The following SIPA1L1 variants were observed in gnomAD, a reference collection of about 807,000 sequenced individuals.
The protein encoded by SIPA1L1 is signal-induced proliferation-associated 1-like protein 1.
Under a neutral mutation model 162.7 loss-of-function variants are expected in SIPA1L1, and 26 were observed. The observed-to-expected ratio is 0.16, with a 90% CI of 0.12 to 0.22. The LOEUF is 0.22. Among genes scored for constraint, SIPA1L1 ranks in the 10% least tolerant of loss-of-function variants. The probability of loss-of-function intolerance (pLI) is 1.00; values close to 1 mark genes in which losing one functional copy is unlikely to be tolerated. For missense variants in SIPA1L1, 1,874 were observed against 2,241.0 expected (o/e 0.84, Z 3.31); for synonymous variants, 829 against 837.4 (o/e 0.99, Z 0.17).
chr14:71,725,187 C>A (rs190502600), intron 19 of SIPA1L1, among the ~76,000 whole-genome samples: 2 of 152,324 alleles, frequency 1.3e-5, no homozygotes, highest in Admixed American at 1.3e-4. Context: ...AAAGCTAGAA[C>A]GTTTTCCATA....
intron 19 of SIPA1L1, among the ~76,000 whole-genome samples, chr14:71,726,463 A>G (rs557657691): frequency 5.9e-5 from 9 of 152,332 alleles, no homozygotes; most frequent in African/African-American, 2.2e-4. Context: ...TCCTAGTTTA[A>G]CATTTTTGGC....
chr14:71,513,303 C>G (rs2051353695), intron 3 of SIPA1L1, among the ~76,000 whole-genome samples: 1 of 151,960 alleles, frequency 6.6e-6, no homozygotes, highest in Non-Finnish European at 1.5e-5. Context: ...GTGGAACTCC[C>G]CATTCCCTAT....
chr14:71,488,381 T>A (rs762849933), intron 2 of SIPA1L1, among the ~76,000 whole-genome samples: 10 of 152,224 alleles, frequency 6.6e-5, no homozygotes, highest in Non-Finnish European at 1.3e-4. Flanking sequence ...AGAATTTCAC[T>A]CTGTCCTGGA....
chr14:71,512,661 A>T (rs1489689537), intron 2 of SIPA1L1, 82 bp from the exon 3 acceptor site: 3 of 85,570 alleles, frequency 3.5e-5, no homozygotes, highest in African/African-American at 1.4e-4. Flanking sequence ...TGTGGGGGGA[A>T]GCCGGGGTTG....
chr14:71,581,705 C>A (rs2033952090), intron 4 of SIPA1L1, among the ~76,000 whole-genome samples: 2 of 152,082 alleles, frequency 1.3e-5, no homozygotes, highest in Admixed American at 1.3e-4. Context: ...TTTACTTCTT[C>A]GGTCTCATCT....
At chr14:71,379,399 G>A (rs1264153902) in intron 2 of SIPA1L1, 1 of 151,680 alleles carries the variant, frequency 6.6e-6, no homozygotes, top group Non-Finnish European at 1.5e-5. Flanking sequence ...AAACTCCTGG[G>A]CCTGAGCAGT....
chr14:71,329,327 C>T (rs1262040393), intron 2 of SIPA1L1, among the ~76,000 whole-genome samples: 1 of 151,676 alleles, frequency 6.6e-6, no homozygotes, highest in Non-Finnish European at 1.5e-5. Context: ...GAGGAACCTC[C>T]ATACTGTTTT....
chr14:71,467,617 G>A (rs1411820878), intron 2 of SIPA1L1, among the ~76,000 whole-genome samples: 4 of 152,072 alleles, frequency 2.6e-5, no homozygotes, highest in South Asian at 2.1e-4. Flanking sequence ...CTTAAAAACC[G>A]AAGAAGCAAA....
intron 2 of SIPA1L1, among the ~76,000 whole-genome samples, chr14:71,429,065 T>C (rs995776426): frequency 2.0e-5 from 3 of 152,198 alleles, no homozygotes; most frequent in Non-Finnish European, 4.4e-5. Flanking sequence ...TCTGTGATCA[T>C]CCCAGAACCT....
At chr14:71,648,611 C>T (rs1443502505) in intron 7 of SIPA1L1, among the ~76,000 whole-genome samples, 2 of 152,058 alleles carry the variant, frequency 1.3e-5, no homozygotes, top group Non-Finnish European at 2.9e-5. Context: ...AGTAATATTC[C>T]CAGTGAGATC....
At chr14:71,381,013 T>C (rs1441603215) in intron 2 of SIPA1L1, among the ~76,000 whole-genome samples, 1 of 152,190 alleles carries the variant, frequency 6.6e-6, no homozygotes, top group Non-Finnish European at 1.5e-5. Flanking sequence ...CATAGTGCAA[T>C]TGGCATTTGT....
intron 3 of SIPA1L1, among the ~76,000 whole-genome samples, chr14:71,522,925 G>A (rs1170706160): frequency 6.6e-6 from 1 of 152,058 alleles, no homozygotes; most frequent in Non-Finnish European, 1.5e-5. Context: ...CACCCGCCTT[G>A]GCCTCCCAAA....
intron 6 of SIPA1L1, among the ~76,000 whole-genome samples, chr14:71,623,149 G>A (rs1359485233): frequency 2.6e-5 from 4 of 151,992 alleles, no homozygotes; most frequent in African/African-American, 9.7e-5. Context: ...TACTTTGTTG[G>A]GTATACTTGT....
chr14:71,371,592 G>GTT (rs1439997187), intron 2 of SIPA1L1, among the ~76,000 whole-genome samples: 2 of 151,958 alleles, frequency 1.3e-5, no homozygotes, highest in Admixed American at 1.3e-4. Flanking sequence ...TTGGGACAGG[G>GTT]TTTCACCCTG....
chr14:71,464,351 G>T (rs934242252), intron 2 of SIPA1L1, among the ~76,000 whole-genome samples: 2 of 152,132 alleles, frequency 1.3e-5, no homozygotes, highest in Non-Finnish European at 2.9e-5. Context: ...AACATTAAAA[G>T]CAGAGTCCCG....
chr14:71,329,888 G>A (rs2034311854), intron 2 of SIPA1L1, among the ~76,000 whole-genome samples: 1 of 151,984 alleles, frequency 6.6e-6, no homozygotes, highest in African/African-American at 2.4e-5. Context: ...TTGGGGAGAG[G>A]CTAGGAGGAG....
At chr14:71,451,140 T>C (rs1235152246) in intron 2 of SIPA1L1, among the ~76,000 whole-genome samples, 1 of 152,010 alleles carries the variant, frequency 6.6e-6, no homozygotes, top group Non-Finnish European at 1.5e-5. Context: ...GTTAGTGAGA[T>C]AAGCAGATAC....
At chr14:71,646,691 A>G (rs2042203345) in intron 7 of SIPA1L1, among the ~76,000 whole-genome samples, 1 of 152,206 alleles carries the variant, frequency 6.6e-6, no homozygotes, top group African/African-American at 2.4e-5. Context: ...AGTGCCCAGC[A>G]CTTCCCTCAG....
chr14:71,723,422 T>TG (rs1424203260), intron 17 of SIPA1L1, among the ~76,000 whole-genome samples: 2 of 152,208 alleles, frequency 1.3e-5, no homozygotes, highest in African/African-American at 4.8e-5. Context: ...TTAAGTATTT[T>TG]TACTTTTTAA....
Sources: allele counts gnomAD v4.1 joint callset (sites outside exome capture counted in the v4.1 genomes callset), GRCh38; gene constraint gnomAD v4.1.1; transcripts MANE v1.5; gene names NCBI Gene and HGNC (gene_info 2026-07-23, HGNC 2026-07-21).